FNDC3B: variants seen among roughly 807,000 people sequenced by gnomAD.
FNDC3B encodes the protein fibronectin type III domain containing 3B, also known as fibronectin type III domain-containing protein 3B.
A neutral mutation model predicts 151.5 loss-of-function variants in FNDC3B; 12 were observed. That is an observed-to-expected ratio of 0.08 (90% CI 0.05 to 0.13). The LOEUF (loss-of-function observed/expected upper bound fraction) is 0.13. FNDC3B is among the 10% of genes least tolerant of loss of function. The pLI is 1.00. For missense variants in FNDC3B, 1,214 were observed against 1,505.3 expected (o/e 0.81, Z 3.20); for synonymous variants, 528 against 549.0 (o/e 0.96, Z 0.54).
chr3:172,273,982 A>T (rs1192989443), intron 6 of FNDC3B, among the ~76,000 whole-genome samples: 2 of 152,244 alleles, frequency 1.3e-5, no homozygotes, highest in Non-Finnish European at 2.9e-5. Context: ...AGCCACAGTC[A>T]GCAGCAAAAA....
intron 25 of FNDC3B, among the ~76,000 whole-genome samples, chr3:172,388,493 T>C (rs145905443): frequency 1.8e-3 from 277 of 152,280 alleles, no homozygotes; most frequent in African/African-American, 5.9e-3. Flanking sequence ...AGCCATGCCG[T>C]TTAAATTGGA....
intron 4 of FNDC3B, among the ~76,000 whole-genome samples, chr3:172,239,104 C>T (rs983673300): frequency 6.6e-6 from 1 of 151,008 alleles, no homozygotes; most frequent in Non-Finnish European, 1.5e-5. Context: ...CTCATTTAAC[C>T]AACATTTACT....
At chr3:172,061,019 A>T (rs1475651634) in intron 1 of FNDC3B, among the ~76,000 whole-genome samples, 1 of 152,196 alleles carries the variant, frequency 6.6e-6, no homozygotes, top group African/African-American at 2.4e-5. Context: ...TAAAGGTTTG[A>T]GGAAAATGAA....
intron 23 of FNDC3B, among the ~76,000 whole-genome samples, chr3:172,366,535 A>G (rs984103272): frequency 6.6e-6 from 1 of 152,144 alleles, no homozygotes; most frequent in Non-Finnish European, 1.5e-5. Context: ...CAATTATTGG[A>G]GTTTTATATG....
rs2108403612 is a variant in FNDC3B, at chr3:172,398,411, TTA to T, written c.*938_*939del. 1 of 152,796 alleles carries T rather than the reference TTA, an allele frequency of 6.5e-6. No individual in the cohort carries two copies. The highest frequency in any genetic ancestry group is 1.9e-4 in the East Asian group (1 of 5,196). The allele number at this position is 152,796 out of a possible 1,614,324, so 9.5% of individuals were successfully genotyped here. ...TTTACACTAATTGTGAGCAGTCTTC[TTA>T]TGTGTCAGCTCATTATTTTTGAAAC... On this transcript the variant is annotated 3_prime_UTR_variant, in exon 26 of 26. Coordinates refer to ENST00000415807, the MANE Select transcript of FNDC3B (RefSeq NM_022763.4).
At chr3:172,064,104 T>C (rs189888300) in intron 1 of FNDC3B, among the ~76,000 whole-genome samples, 2 of 152,228 alleles carry the variant, frequency 1.3e-5, no homozygotes, top group African/African-American at 4.8e-5. Context: ...GAATAACCCC[T>C]GCACTCCAGC....
intron 2 of FNDC3B, among the ~76,000 whole-genome samples, chr3:172,127,621 A>G (rs997545313): frequency 6.6e-5 from 10 of 152,346 alleles, no homozygotes; most frequent in African/African-American, 2.4e-4. Context: ...AATCTTACAG[A>G]CACATGTGAT....
At chr3:172,131,389 G>T (rs1322905906) in intron 2 of FNDC3B, among the ~76,000 whole-genome samples, 5 of 146,856 alleles carry the variant, frequency 3.4e-5, no homozygotes, top group African/African-American at 1.3e-4. Context: ...GCGAAACTCC[G>T]TCTCAAGAAA....
chr3:172,118,638 A>G (rs1184346363), intron 2 of FNDC3B, among the ~76,000 whole-genome samples: 2 of 152,240 alleles, frequency 1.3e-5, no homozygotes, highest in Non-Finnish European at 2.9e-5. Flanking sequence ...GACTTGAGCT[A>G]GAAAGTAGAA....
intron 25 of FNDC3B, among the ~76,000 whole-genome samples, chr3:172,394,273 A>T (rs1274099085): frequency 6.6e-6 from 1 of 152,034 alleles, no homozygotes; most frequent in Non-Finnish European, 1.5e-5. Flanking sequence ...AGTTAGCAGA[A>T]GGAAGGAAAC....
intron 3 of FNDC3B, among the ~76,000 whole-genome samples, chr3:172,160,517 A>G (rs977632274): frequency 6.6e-5 from 10 of 152,252 alleles, no homozygotes; most frequent in Non-Finnish European, 1.3e-4. Flanking sequence ...AAGGGCATGA[A>G]TACTGCTTTC....
At chr3:172,364,100 T>C (rs950904857) in intron 23 of FNDC3B, among the ~76,000 whole-genome samples, 5 of 152,206 alleles carry the variant, frequency 3.3e-5, no homozygotes, top group Non-Finnish European at 7.3e-5. Flanking sequence ...CTTCTTTTGA[T>C]AGGTTCATGA....
chr3:172,189,280 G>A (rs1724377975), intron 3 of FNDC3B, among the ~76,000 whole-genome samples: 2 of 152,128 alleles, frequency 1.3e-5, no homozygotes, highest in African/African-American at 2.4e-5. Context: ...TTCAAGATGT[G>A]CTAAAAATGA....
intron 3 of FNDC3B, among the ~76,000 whole-genome samples, chr3:172,218,769 C>G (rs1445774928): frequency 6.6e-6 from 1 of 152,206 alleles, no homozygotes; most frequent in Non-Finnish European, 1.5e-5. Flanking sequence ...GGTGCAAACT[C>G]AAGCCTCTTT....
At chr3:172,386,178 A>G (rs1735697375) in intron 25 of FNDC3B, among the ~76,000 whole-genome samples, 1 of 152,238 alleles carries the variant, frequency 6.6e-6, no homozygotes, top group Non-Finnish European at 1.5e-5. Flanking sequence ...GCTTAACTGT[A>G]AAGTATTCTT....
At chr3:172,259,479 C>G (rs1194377877) in intron 6 of FNDC3B, among the ~76,000 whole-genome samples, 1 of 152,158 alleles carries the variant, frequency 6.6e-6, no homozygotes, top group Non-Finnish European at 1.5e-5. Flanking sequence ...GGGACAGAAG[C>G]CTGTTTCATA....
intron 1 of FNDC3B, among the ~76,000 whole-genome samples, chr3:172,075,532 G>T (rs185774434): frequency 2.0e-5 from 3 of 152,180 alleles, no homozygotes; most frequent in Admixed American, 6.5e-5. Flanking sequence ...AAAGCTGAAG[G>T]CTCCTTGGCA....
intron 3 of FNDC3B, among the ~76,000 whole-genome samples, chr3:172,173,631 C>CAA (rs58281455): frequency 2.4e-3 from 237 of 98,904 alleles, no homozygotes; most frequent in African/African-American, 5.2e-3. Flanking sequence ...TTTGTCTCTA[C>CAA]AAAAAAAAAA....
chr3:172,380,889 C>A, intron 24 of FNDC3B, 77 bp from the exon 25 acceptor site: 1 of 1,509,696 alleles, frequency 6.6e-7, no homozygotes, highest in Non-Finnish European at 9.1e-7. Context: ...TCTGGGTTCT[C>A]ACTAATAGTG....
Sources: allele counts gnomAD v4.1 joint callset (sites outside exome capture counted in the v4.1 genomes callset), GRCh38; gene constraint gnomAD v4.1.1; transcripts MANE v1.5; gene names NCBI Gene and HGNC (gene_info 2026-07-23, HGNC 2026-07-21).